DBF4: variants seen among roughly 807,000 people sequenced by gnomAD.
The protein encoded by DBF4 is protein DBF4 homolog A.
DBF4 carries 25 observed loss-of-function variants against 76.6 expected under a neutral mutation model. The ratio of observed to expected loss-of-function variants is 0.33; its 90% CI spans 0.24 to 0.46. The LOEUF (loss-of-function observed/expected upper bound fraction) is 0.46. Among genes scored for constraint, DBF4 ranks in the 20% least tolerant of loss-of-function variants. DBF4 has a pLI of 1.00. For synonymous variants in DBF4, 213 were observed against 258.0 expected, an observed-to-expected ratio of 0.83 and a Z score of 1.67; for missense variants, 638 against 760.8, an observed-to-expected ratio of 0.84 and a Z score of 1.90.
chr7:87,899,862 A>G (rs1021139392), intron 8 of DBF4, among the ~76,000 whole-genome samples: 11 of 152,202 alleles, frequency 7.2e-5, no homozygotes, highest in African/African-American at 2.4e-4. Context: ...TGGAGAAAGG[A>G]TATTTGGGAA....
chr7:87,904,479 C>T (rs1839867865), intron 11 of DBF4, 63 bp downstream of exon 11: 4 of 1,528,024 alleles, frequency 2.6e-6, no homozygotes, highest in Admixed American at 3.9e-5. Context: ...GTGGCTCATG[C>T]CTGTAATCCC....
chr7:87,877,296 T>C (rs190462226), intron 1 of DBF4, among the ~76,000 whole-genome samples: 231 of 152,362 alleles, frequency 1.5e-3, no homozygotes, highest in South Asian at 6.2e-3. Flanking sequence ...ATTGCTGGTT[T>C]CAACATTACA....
chr7:87,878,394 G>T lies in DBF4; in HGVS notation c.219+169G>T, dbSNP rs897760463. On this transcript the variant is annotated intron_variant, in intron 2 of 11. Coordinates refer to ENST00000265728, the MANE Select transcript of DBF4 (RefSeq NM_006716.4). ...AAAACCATTTGTTTTAACCTTTTGT[G>T]GACTGACAGACCTTTCAGGTTTCTC... 20 of 570,214 alleles carry T rather than the reference G, an allele frequency of 3.5e-5. No individual in the cohort carries two copies. The Admixed American group carries it at 7.2e-4, about 20-fold the overall frequency. The allele number at this position is 570,214 out of a possible 1,614,324, so 35.3% of individuals were successfully genotyped here. A position where few individuals can be genotyped will look rare whatever the true frequency, so the allele number is the denominator to read the frequency against.
intron 3 of DBF4, among the ~76,000 whole-genome samples, chr7:87,886,434 C>T (rs1388692326): frequency 1.4e-5 from 2 of 146,052 alleles, no homozygotes; most frequent in South Asian, 2.2e-4. Context: ...ACTTGGGAGG[C>T]TGGGGCAGGA....
chr7:87,890,069 GTC>G (rs1562760473), intron 6 of DBF4, among the ~76,000 whole-genome samples: 1 of 152,156 alleles, frequency 6.6e-6, no homozygotes, highest in Non-Finnish European at 1.5e-5. Flanking sequence ...CACAAATTAT[GTC>G]TGTCTTCATG....
intron 6 of DBF4, among the ~76,000 whole-genome samples, chr7:87,892,735 G>T (rs1348889671): frequency 6.6e-6 from 1 of 152,048 alleles, no homozygotes; most frequent in Non-Finnish European, 1.5e-5. Flanking sequence ...CTGATAGGTT[G>T]GATTTTCATC....
At chr7:87,877,283 C>T (rs942901402) in intron 1 of DBF4, among the ~76,000 whole-genome samples, 12 of 152,182 alleles carry the variant, frequency 7.9e-5, no homozygotes, top group Admixed American at 5.9e-4. Context: ...TTTCAAACAC[C>T]CCATTGCTGG....
At position 87,907,515 on chromosome 7, in the gene DBF4, A is replaced by G. The variant is rs774932467; in HGVS notation, c.1377A>G (p.Glu459=). The G allele has an allele frequency of 5.0e-6, 8 of 1,614,094 alleles. No individual in the cohort carries two copies. The highest frequency in any genetic ancestry group is 1.7e-5 in the Admixed American group (1 of 60,022). Residue 459 remains glutamate (E), a synonymous_variant, in exon 12 of 12, where the codon GAA becomes GAG. Coordinates refer to ENST00000265728, the MANE Select transcript of DBF4 (RefSeq NM_006716.4). The part of the protein sequence containing the change: ...TQLPLHKNKQ[E]CILDISEHTL... Reference sequence around the variant, plus strand: ...TACCTCTACATAAAAACAAACAGGAATGCATTCTTGACATTTCCGAACACA... The same window carrying G: ...TACCTCTACATAAAAACAAACAGGAGTGCATTCTTGACATTTCCGAACACA...
rs1306664765 is a variant in DBF4, at chr7:87,878,238, C to G, written c.219+13C>G. 1.9e-6 allele frequency: 3 copies of G among 1,590,552 alleles called. No individual in the cohort carries two copies. The South Asian group carries it at 3.5e-5, about 18-fold the overall frequency. On this transcript the variant is annotated intron_variant, in intron 2 of 11. Transcript: ENST00000265728. Reference sequence around the variant, plus strand: ...GGATCTGGGAGGGGTAAGTGAAAACCGTACACTGGCATAGAAGGAAAAATT... The same window carrying G: ...GGATCTGGGAGGGGTAAGTGAAAACGGTACACTGGCATAGAAGGAAAAATT...
At chr7:87,894,779 C>G (rs1839591373) in intron 6 of DBF4, among the ~76,000 whole-genome samples, 1 of 152,202 alleles carries the variant, frequency 6.6e-6, no homozygotes, top group Non-Finnish European at 1.5e-5. Flanking sequence ...TGCAGTTACT[C>G]AAATTGGTAT....
At chr7:87,901,413 G>T (rs948331274) in intron 10 of DBF4, among the ~76,000 whole-genome samples, 3 of 152,202 alleles carry the variant, frequency 2.0e-5, no homozygotes, top group African/African-American at 7.2e-5. Context: ...CTAAGTGGTA[G>T]TAGAAGTGCT....
At position 87,903,050 on chromosome 7, in the gene DBF4, GT is replaced by G. The variant is rs1481374733; in HGVS notation, c.925-1239del. Reference sequence around the variant, plus strand: ...TTTTATCTCACTTTGTTGTGAACTTGTTTACTTTTGGTTTTGACCACTCTTT... The same window carrying G: ...TTTTATCTCACTTTGTTGTGAACTTGTTACTTTTGGTTTTGACCACTCTTT... On this transcript the variant is annotated intron_variant, in intron 10 of 11. Coordinates refer to ENST00000265728, the MANE Select transcript of DBF4 (RefSeq NM_006716.4). Among the ~76,000 whole-genome samples, 3 of 152,046 alleles carry G rather than the reference GT, an allele frequency of 2.0e-5. No individual in the cohort carries two copies. In the East Asian group the frequency reaches 5.8e-4, roughly 29 times the overall value.
intron 11 of DBF4, among the ~76,000 whole-genome samples, chr7:87,906,326 T>G (rs938271022): frequency 6.6e-6 from 1 of 151,292 alleles, no homozygotes; most frequent in Admixed American, 6.6e-5. Flanking sequence ...TAGAGTAGTT[T>G]TTTTTTTTTT....
At chr7:87,876,838 C>T in intron 1 of DBF4, 60 bp downstream of exon 1, 1 of 1,581,652 alleles carries the variant, frequency 6.3e-7, no homozygotes, top group Non-Finnish European at 8.7e-7. Flanking sequence ...CGTGGTTCCA[C>T]CATTGATTCT....
At chr7:87,884,772 G>T (rs1220859485) in intron 2 of DBF4, among the ~76,000 whole-genome samples, 1 of 152,024 alleles carries the variant, frequency 6.6e-6, no homozygotes, top group Non-Finnish European at 1.5e-5. Context: ...ACAGTTTATG[G>T]TTTTTATGAC....
At chr7:87,899,400 G>C (rs921150147) in intron 8 of DBF4, among the ~76,000 whole-genome samples, 1 of 152,022 alleles carries the variant, frequency 6.6e-6, no homozygotes, top group African/African-American at 2.4e-5. Flanking sequence ...AATATATTAA[G>C]AATTACAAGT....
At chr7:87,881,144 C>T (rs114453378) in intron 2 of DBF4, among the ~76,000 whole-genome samples, 1,612 of 152,304 alleles carry the variant, frequency 0.011, 35 homozygotes, top group African/African-American at 0.037. Flanking sequence ...CGGAGGCTCA[C>T]GCATGTAATC....
At position 87,908,310 on chromosome 7, in the gene DBF4, T is replaced by C; in HGVS notation, c.*147T>C. ...TTAAAAATAAATATTTGCAATTTTC[T>C]ACAGAATTGAATACCTGTTAAAGAA... On this transcript the variant is annotated 3_prime_UTR_variant, in exon 12 of 12. Coordinates refer to ENST00000265728, the MANE Select transcript of DBF4 (RefSeq NM_006716.4). 1 of 846,310 alleles carries C rather than the reference T, an allele frequency of 1.2e-6. No homozygotes were observed. The allele number at this position is 846,310 out of a possible 1,614,324, so 52.4% of individuals were successfully genotyped here. A position where few individuals can be genotyped will look rare whatever the true frequency, so the allele number is the denominator to read the frequency against.
chr7:87,894,369 A>G (rs1307758510), intron 6 of DBF4, among the ~76,000 whole-genome samples: 1 of 152,152 alleles, frequency 6.6e-6, no homozygotes, highest in Non-Finnish European at 1.5e-5. Flanking sequence ...CTGAGGTGGC[A>G]TGATGGCCTT....
Sources: gnomAD v4.1 joint callset for allele counts (sites outside exome capture counted in the v4.1 genomes callset) on GRCh38, gnomAD v4.1.1 for gene constraint, MANE v1.5 for transcripts, NCBI Gene and HGNC (gene_info 2026-07-23, HGNC 2026-07-21) for gene names.